RB1: variants seen among roughly 807,000 people sequenced by gnomAD.
RB1 encodes the protein retinoblastoma-associated protein.
In RB1, 18 loss-of-function variants were observed where a neutral mutation model predicts 135.4. That is an observed-to-expected ratio of 0.13 (90% CI 0.09 to 0.20). RB1 has a LOEUF of 0.20. Ranked by LOEUF, RB1 falls within the 10% of genes least tolerant of loss-of-function variation. The probability of loss-of-function intolerance (pLI) is 1.00; values close to 1 mark genes in which losing one functional copy is unlikely to be tolerated. For missense variants in RB1, 868 were observed against 1,110.0 expected, an observed-to-expected ratio of 0.78 and a Z score of 3.10; for synonymous variants, 365 against 373.2, an observed-to-expected ratio of 0.98 and a Z score of 0.25.
rs569806541 is a variant in RB1, at chr13:48,381,926, A to G, written c.1695+483A>G. ...TGTTCTCATTGTTCATTTCCCACCT[A>G]TGAGTGAGAACATGCAGTGTTTGGT... On this transcript the variant is annotated intron_variant, in intron 17 of 26. Coordinates refer to ENST00000267163, the MANE Select transcript of RB1 (RefSeq NM_000321.3). 1.4e-4 allele frequency among the ~76,000 whole-genome samples: 22 copies of G among 152,190 alleles called. No individual in the cohort carries two copies. In the East Asian group the frequency reaches 4.1e-3, roughly 28 times the overall value.
At chr13:48,367,145 A>G (rs1952710230) in intron 9 of RB1, among the ~76,000 whole-genome samples, 1 of 151,666 alleles carries the variant, frequency 6.6e-6, no homozygotes, top group Admixed American at 6.6e-5. Context: ...AAAAGATTAA[A>G]AGTAAAGCAT....
chr13:48,317,688 A>G, intron 2 of RB1: 1 of 543,014 alleles, frequency 1.8e-6, no homozygotes, highest in Non-Finnish European at 2.8e-6. Flanking sequence ...GCGGTGCCGG[A>G]TCCCCTTGGG....
At position 48,408,257 on chromosome 13, in the gene RB1, A is replaced by C. The variant is rs139036535; in HGVS notation, c.1695+26814A>C. On this transcript the variant is annotated intron_variant, in intron 17 of 26. Coordinates refer to ENST00000267163, the MANE Select transcript of RB1 (RefSeq NM_000321.3). ...GTGTCTTCAGTTTAATTTTCTGTGA[A>C]TATAATATATATAATACATATATTT... Among the ~76,000 whole-genome samples, 5 of 151,980 alleles carry C rather than the reference A, an allele frequency of 3.3e-5. No homozygotes were observed. In the East Asian group the frequency reaches 9.6e-4, roughly 29 times the overall value.
chr13:48,313,382 G>A (rs909729361), intron 2 of RB1, among the ~76,000 whole-genome samples: 5 of 149,214 alleles, frequency 3.4e-5, no homozygotes, highest in African/African-American at 1.2e-4. Context: ...TTTTTTTTTG[G>A]TGGTGGTTTT....
At chr13:48,310,059 CT>C (rs1952118873) in intron 2 of RB1, among the ~76,000 whole-genome samples, 1 of 152,050 alleles carries the variant, frequency 6.6e-6, no homozygotes, top group African/African-American at 2.4e-5. Context: ...TTGAGGTGTG[CT>C]TTTGAAGGGT....
chr13:48,383,598 G>A (rs1948552732), intron 17 of RB1, among the ~76,000 whole-genome samples: 1 of 151,774 alleles, frequency 6.6e-6, no homozygotes, highest in Non-Finnish European at 1.5e-5. Flanking sequence ...TTATTTCTTA[G>A]TGTTTTCTTG....
At chr13:48,330,435 A>T (rs1330260145) in intron 2 of RB1, among the ~76,000 whole-genome samples, 1 of 152,180 alleles carries the variant, frequency 6.6e-6, no homozygotes, top group Non-Finnish European at 1.5e-5. Context: ...AGAATAAGAA[A>T]AAAAGAAGAT....
rs528503673 is a variant in RB1 at position 48,324,169 on chromosome 13, T to C, written c.264+16763T>C. On this transcript the variant is annotated intron_variant, in intron 2 of 26. Transcript: ENST00000267163. ...CAAATCATGGTAGTTGGAGTATCCA[T>C]CATCTTAAGCTTTTATCATTTATTT... Among the ~76,000 whole-genome samples, 6 of 152,246 alleles carry C rather than the reference T, an allele frequency of 3.9e-5. No individual in the cohort carries two copies. The South Asian group carries it at 1.2e-3, about 32-fold the overall frequency.
rs1280754489 is a variant in RB1, at chr13:48,381,396, T to C, written c.1648T>C (p.Leu550=). The change falls in exon 17 of 27, where the codon TTA becomes CTA. Residue 550 remains leucine (L), a synonymous_variant. Coordinates refer to ENST00000267163, the MANE Select transcript of RB1 (RefSeq NM_000321.3). ...GNLTREMIKH[L]ERCEHRIMES... ...CTTGACAAGAGAAATGATAAAACATTTAGAACGATGTGAACATCGAATCAT... is the reference window on the plus strand; with the variant it reads ...CTTGACAAGAGAAATGATAAAACATCTAGAACGATGTGAACATCGAATCAT... 1.2e-6 allele frequency: 2 copies of C among 1,613,530 alleles called. No homozygotes were observed. Among genetic ancestry groups the C allele is most frequent in the East Asian group, 4.5e-5 (2 of 44,746 alleles).
chr13:48,382,333 A>G (rs1948542444), intron 17 of RB1, among the ~76,000 whole-genome samples: 1 of 152,154 alleles, frequency 6.6e-6, no homozygotes, highest in African/African-American at 2.4e-5. Flanking sequence ...AAGTGTTCCT[A>G]TTTCTTCACA....
chr13:48,372,663 GAAAA>G (rs760019277), intron 11 of RB1, among the ~76,000 whole-genome samples: 25 of 150,442 alleles, frequency 1.7e-4, no homozygotes, highest in African/African-American at 5.9e-4. Context: ...AAAAAAAAAA[GAAAA>G]AGAAAAGAAA....
At chr13:48,361,043 C>T (rs1952634280) in intron 7 of RB1, among the ~76,000 whole-genome samples, 1 of 151,288 alleles carries the variant, frequency 6.6e-6, no homozygotes, top group Non-Finnish European at 1.5e-5. Flanking sequence ...GCAGAGAAGG[C>T]AGAAACCTTC....
chr13:48,463,812 G>A lies in RB1; in HGVS notation c.2188G>A (p.Asp730Asn), dbSNP rs766487603. 3.1e-6 allele frequency: 5 copies of A among 1,604,706 alleles called. No individual in the cohort carries two copies. The highest frequency in any genetic ancestry group is 4.3e-6 in the Non-Finnish European group (5 of 1,171,814). The change falls in exon 21 of 27, where the codon GAT (aspartate) becomes AAT (asparagine). Residue 730 changes from aspartate (D) to asparagine (N), a missense_variant. By Grantham distance (23) the Asp-to-Asn change is conservative (BLOSUM62 1). Coordinates refer to ENST00000267163, the MANE Select transcript of RB1 (RefSeq NM_000321.3). ...KFKIIVTAYK[D>N]LPHAVQETFK... Reference sequence around the variant, plus strand: ...CAAAATCATTGTAACAGCATACAAGGATCTTCCTCATGCTGTTCAGGAGGT... The same window carrying A: ...CAAAATCATTGTAACAGCATACAAGAATCTTCCTCATGCTGTTCAGGAGGT...
chr13:48,346,470 T>C (rs1382532285), intron 4 of RB1, among the ~76,000 whole-genome samples: 1 of 151,472 alleles, frequency 6.6e-6, no homozygotes, highest in Non-Finnish European at 1.5e-5. Flanking sequence ...TCTTTAAACT[T>C]GTTTACAACC....
chr13:48,459,901 C>A (rs1178280968), intron 20 of RB1, 68 bp downstream of exon 20: 1 of 447,834 alleles, frequency 2.2e-6, no homozygotes. Context: ...TTCTTTCTTT[C>A]TTTCTTTCTT....
chr13:48,402,689 A>G (rs1368723996), intron 17 of RB1, among the ~76,000 whole-genome samples: 2 of 152,042 alleles, frequency 1.3e-5, no homozygotes, highest in East Asian at 3.8e-4. Context: ...GAAACTATTT[A>G]TATGTGTCCT....
At chr13:48,476,930 A>G (rs1372522887) in intron 25 of RB1, 87 bp downstream of exon 25, 2 of 1,508,180 alleles carry the variant, frequency 1.3e-6, no homozygotes, top group Non-Finnish European at 1.8e-6. Context: ...GCTTATACCA[A>G]TTTCTTTCAT....
rs571867355 is a variant in RB1, at chr13:48,313,985, G to A, written c.264+6579G>A. On this transcript the variant is annotated intron_variant, in intron 2 of 26. Coordinates refer to ENST00000267163, the MANE Select transcript of RB1 (RefSeq NM_000321.3). Reference sequence around the variant, plus strand: ...AGGATGGTCTCGATCTCCTGACCTCGTGATCGCCCACCTCGGCCTCCCAAA... The same window carrying A: ...AGGATGGTCTCGATCTCCTGACCTCATGATCGCCCACCTCGGCCTCCCAAA... Among the ~76,000 whole-genome samples the A allele has an allele frequency of 3.8e-4, 57 of 151,996 alleles. 1 individual carries two copies. The East Asian group carries it at 3.9e-3, about 10-fold the overall frequency.
intron 5 of RB1, among the ~76,000 whole-genome samples, chr13:48,348,742 A>G (rs1352409760): frequency 6.6e-6 from 1 of 151,006 alleles, no homozygotes; most frequent in Non-Finnish European, 1.5e-5. Context: ...TAAATATCAT[A>G]TCTTAGAATT....
Sources: allele counts gnomAD v4.1 joint callset (sites outside exome capture counted in the v4.1 genomes callset), GRCh38; gene constraint gnomAD v4.1.1; transcripts MANE v1.5; gene names NCBI Gene and HGNC (gene_info 2026-07-23, HGNC 2026-07-21).